The following PLXDC2 variants were observed in gnomAD, a reference collection of about 807,000 sequenced individuals.
PLXDC2 encodes plexin domain-containing protein 2.
In PLXDC2, 40 loss-of-function variants were observed where a neutral mutation model predicts 68.9. That is an observed-to-expected ratio of 0.58 (90% CI 0.45 to 0.76). The LOEUF (loss-of-function observed/expected upper bound fraction) is 0.76, where lower values mean the gene tolerates loss of function less well. Among genes scored for constraint, PLXDC2 ranks in the 30% least tolerant of loss-of-function variants. PLXDC2 has a pLI of 0.00. For synonymous variants in PLXDC2, 243 were observed against 234.2 expected (o/e 1.04, Z -0.34); for missense variants, 644 against 661.9 (o/e 0.97, Z 0.30).
intron 1 of PLXDC2, 138 bp from the exon 2 acceptor site, chr10:20,001,637 A>G (rs1274159596): frequency 2.8e-6 from 2 of 720,878 alleles, no homozygotes. Flanking sequence ...AGATATTGCA[A>G]GTAAACAGAT....
Position 19,984,154 on chromosome 10 carries a change from G to A in PLXDC2, c.113-17621G>A, listed in dbSNP as rs531955563. ...TAATTCAAGTTCCAGAAAGAATTCA[G>A]GTCCCCTGTATCCCTCACTTCCATC... On this transcript the variant is annotated intron_variant, in intron 1 of 13. Coordinates refer to ENST00000377252, the MANE Select transcript of PLXDC2 (RefSeq NM_032812.9). Among the ~76,000 whole-genome samples, 13 of 152,320 alleles carry A rather than the reference G, an allele frequency of 8.5e-5. No individual in the cohort carries two copies. In the East Asian group the frequency reaches 2.5e-3, roughly 29 times the overall value.
intron 2 of PLXDC2, among the ~76,000 whole-genome samples, chr10:20,037,515 G>T (rs1835599246): frequency 6.6e-6 from 1 of 152,058 alleles, no homozygotes; most frequent in South Asian, 2.1e-4. Context: ...ATCACTCCAT[G>T]CCTGGAAATA....
chr10:20,002,172 C>T (rs1303779309), intron 2 of PLXDC2, among the ~76,000 whole-genome samples, 186 bp downstream of exon 2: 1 of 151,892 alleles, frequency 6.6e-6, no homozygotes, highest in African/African-American at 2.4e-5. Flanking sequence ...AATTCATTTA[C>T]AGACAAACAC....
intron 12 of PLXDC2, among the ~76,000 whole-genome samples, chr10:20,236,922 T>C (rs1225504891): frequency 2.6e-5 from 4 of 152,166 alleles, no homozygotes; most frequent in Admixed American, 2.0e-4. Context: ...GAATTAAGTA[T>C]TCCTTTTAAT....
chr10:19,886,575 A>AC (rs748456455), intron 1 of PLXDC2, among the ~76,000 whole-genome samples: 1 of 152,172 alleles, frequency 6.6e-6, no homozygotes, highest in Non-Finnish European at 1.5e-5. Flanking sequence ...AAATTCAACA[A>AC]CCTTCATGCT....
intron 13 of PLXDC2, among the ~76,000 whole-genome samples, chr10:20,248,523 C>T (rs1835630591): frequency 6.6e-6 from 1 of 152,176 alleles, no homozygotes; most frequent in Non-Finnish European, 1.5e-5. Flanking sequence ...ATTCATTCAG[C>T]AGGTCTCCCA....
At chr10:19,961,524 C>G (rs1024886957) in intron 1 of PLXDC2, among the ~76,000 whole-genome samples, 1 of 152,208 alleles carries the variant, frequency 6.6e-6, no homozygotes, top group Non-Finnish European at 1.5e-5. Flanking sequence ...GAGGGTTCAG[C>G]AGGAATCGTT....
intron 4 of PLXDC2, among the ~76,000 whole-genome samples, chr10:20,134,582 C>A (rs148920270): frequency 6.6e-6 from 1 of 152,124 alleles, no homozygotes; most frequent in Admixed American, 6.5e-5. Context: ...GTGTCTGGGT[C>A]TGCATGACAG....
At chr10:19,958,196 A>G (rs1834101545) in intron 1 of PLXDC2, among the ~76,000 whole-genome samples, 2 of 152,058 alleles carry the variant, frequency 1.3e-5, no homozygotes, top group African/African-American at 2.4e-5. Context: ...CTACTTCTTT[A>G]TCACCTCAGG....
chr10:19,945,228 T>C (rs7077488), intron 1 of PLXDC2, among the ~76,000 whole-genome samples: 20 of 152,342 alleles, frequency 1.3e-4, no homozygotes, highest in African/African-American at 4.6e-4. Flanking sequence ...CACTTGTAGA[T>C]TTCTTGGCCC....
Position 20,147,846 on chromosome 10 carries a change from T to G in PLXDC2, c.727T>G (p.Phe243Val). ...HLQDNYNLGS[F>V]TFQATLLMDG... is the part of the protein sequence containing the mutation. ...CCAGGATAATTATAACCTGGGAAGC[T>G]TCACATTCCAGGCAACCCTGCTCAT... is the stretch of plus-strand genomic sequence containing the variant. The change falls in exon 6 of 14, where the codon TTC (phenylalanine) becomes GTC (valine). Residue 243 changes from phenylalanine (F) to valine (V), a missense_variant. By Grantham distance (50) the Phe-to-Val change is conservative (BLOSUM62 -1). Coordinates refer to ENST00000377252, the MANE Select transcript of PLXDC2 (RefSeq NM_032812.9). 6.2e-7 allele frequency: 1 copy of G among 1,613,688 alleles called. No individual in the cohort carries two copies. The highest frequency in any genetic ancestry group is 8.5e-7 in the Non-Finnish European group (1 of 1,179,634).
At chr10:20,109,907 T>C (rs1473355124) in intron 4 of PLXDC2, among the ~76,000 whole-genome samples, 1 of 152,220 alleles carries the variant, frequency 6.6e-6, no homozygotes, top group East Asian at 1.9e-4. Context: ...ATAAATGAAA[T>C]GTGTGAAGCA....
At chr10:20,243,081 A>T (rs1478716232) in intron 12 of PLXDC2, among the ~76,000 whole-genome samples, 1 of 152,132 alleles carries the variant, frequency 6.6e-6, no homozygotes, top group African/African-American at 2.4e-5. Flanking sequence ...TTCTTTTCAG[A>T]ATTATTTCCT....
intron 1 of PLXDC2, among the ~76,000 whole-genome samples, chr10:19,955,352 C>T (rs1834052811): frequency 2.0e-5 from 3 of 151,766 alleles, no homozygotes; most frequent in Admixed American, 1.3e-4. Flanking sequence ...GATTTTGTAC[C>T]AAACTGAACT....
At chr10:19,970,797 G>C (rs560614337) in intron 1 of PLXDC2, among the ~76,000 whole-genome samples, 2 of 152,256 alleles carry the variant, frequency 1.3e-5, no homozygotes, top group Non-Finnish European at 2.9e-5. Context: ...ACCTCCATTG[G>C]TTCAAGAACT....
intron 1 of PLXDC2, among the ~76,000 whole-genome samples, chr10:19,950,123 T>A (rs1833968044): frequency 6.6e-6 from 1 of 152,134 alleles, no homozygotes; most frequent in Non-Finnish European, 1.5e-5. Flanking sequence ...GGATGCCCAC[T>A]CTCTGCACTC....
chr10:20,243,735 G>A (rs12413486), intron 12 of PLXDC2, among the ~76,000 whole-genome samples: 2 of 152,054 alleles, frequency 1.3e-5, no homozygotes, highest in African/African-American at 4.8e-5. Flanking sequence ...AGAGGCAAAT[G>A]GTAAAAATAA....
chr10:20,201,535 TATA>T (rs1834917903), intron 9 of PLXDC2, among the ~76,000 whole-genome samples: 1 of 151,898 alleles, frequency 6.6e-6, no homozygotes, highest in Non-Finnish European at 1.5e-5. Flanking sequence ...ATATAACATA[TATA>T]ATAACAATAT....
chr10:20,062,897 A>C (rs1252357076), intron 3 of PLXDC2, among the ~76,000 whole-genome samples: 2 of 152,092 alleles, frequency 1.3e-5, no homozygotes, highest in Non-Finnish European at 2.9e-5. Context: ...AACAAATATA[A>C]TTTTTCTTTT....
Sources: gnomAD v4.1 joint callset for allele counts (sites outside exome capture counted in the v4.1 genomes callset) on GRCh38, gnomAD v4.1.1 for gene constraint, MANE v1.5 for transcripts, NCBI Gene and HGNC (gene_info 2026-07-23, HGNC 2026-07-21) for gene names.